The following DMD variants were observed in gnomAD, a reference collection of about 807,000 sequenced individuals.
DMD encodes mutant dystrophin.
In DMD, 63 loss-of-function variants were observed where a neutral mutation model predicts 330.1. That is an observed-to-expected ratio of 0.19 (90% confidence interval 0.16 to 0.24). The LOEUF is 0.24. Among genes scored for constraint, DMD ranks in the 10% least tolerant of loss-of-function variants. The pLI, the probability that DMD is intolerant of heterozygous loss-of-function variation, is 1.00. For missense variants in DMD, 3,344 were observed against 2,684.1 expected (o/e 1.25, Z -5.43); for synonymous variants, 1,223 against 959.8 (o/e 1.27, Z -5.07).
At chrX:31,246,759 C>A (rs749849243) in intron 63 of DMD, among the ~76,000 whole-genome samples, 2 of 110,910 alleles carry the variant, frequency 1.8e-5, no homozygotes, top group Non-Finnish European at 3.8e-5. Context: ...AACCCCGTCT[C>A]CACTAAAAAT....
chrX:31,907,916 A>C (rs1050072914), intron 47 of DMD, among the ~76,000 whole-genome samples: 5 of 112,820 alleles, frequency 4.4e-5, no homozygotes, highest in African/African-American at 1.6e-4. Flanking sequence ...ATAGGAACAG[A>C]CACTTCTCAA....
At chrX:31,490,685 C>T (rs2069217428) in intron 57 of DMD, among the ~76,000 whole-genome samples, 1 of 112,561 alleles carries the variant, frequency 8.9e-6, no homozygotes, top group African/African-American at 3.2e-5. Flanking sequence ...TGACTTAAAT[C>T]TTAACATTCA....
chrX:32,811,785 G>C (rs2077387452), intron 6 of DMD, among the ~76,000 whole-genome samples: 1 of 112,218 alleles, frequency 8.9e-6, no homozygotes, highest in South Asian at 3.7e-4. Flanking sequence ...TGTAAAATCT[G>C]AAGCGGTCAA....
At chrX:32,709,647 C>T (rs1390812366) in intron 7 of DMD, among the ~76,000 whole-genome samples, 1 of 110,892 alleles carries the variant, frequency 9.0e-6, no homozygotes, top group Non-Finnish European at 1.9e-5. Context: ...TGCTCTTTTA[C>T]CTAAAATAAT....
intron 7 of DMD, among the ~76,000 whole-genome samples, chrX:32,768,656 T>G (rs1481917389): frequency 8.9e-6 from 1 of 111,957 alleles, no homozygotes; most frequent in East Asian, 2.8e-4. Context: ...GAAATTATAA[T>G]CCCACTGGGA....
Position 32,944,607 on chromosome X carries a change from ATTTTTTT to A in DMD, c.93+75525_93+75531del, listed in dbSNP as rs3083092. On this transcript the variant is annotated intron_variant, in intron 2 of 78. Coordinates refer to ENST00000357033, the MANE Select transcript of DMD (RefSeq NM_004006.3). ...ATCTGTTTGTATAGACTTTTAGTAG[ATTTTTTT>A]TTTTTTTTTATACAGAGTCTTGCTC... 8.3e-5 allele frequency among the ~76,000 whole-genome samples: 8 copies of A among 96,567 alleles called. 1 individual carries two copies. Among genetic ancestry groups the A allele is most frequent in the African/African-American group, 3.1e-4 (8 of 26,142 alleles). The allele number at this position is 96,567 out of a possible 115,157, so 83.9% of individuals were successfully genotyped here.
intron 47 of DMD, among the ~76,000 whole-genome samples, chrX:31,878,850 A>AT (rs1469328641): frequency 8.9e-6 from 1 of 112,363 alleles, no homozygotes; most frequent in Non-Finnish European, 1.9e-5. Context: ...CAGGTACACT[A>AT]TGCTGCCAAG....
At chrX:31,422,974 C>G (rs1179101131) in intron 60 of DMD, among the ~76,000 whole-genome samples, 1 of 111,367 alleles carries the variant, frequency 9.0e-6, no homozygotes, top group Non-Finnish European at 1.9e-5. Flanking sequence ...GACACATGTA[C>G]TAACACAGGC....
chrX:31,621,440 T>C (rs1464477453), intron 55 of DMD, among the ~76,000 whole-genome samples: 1 of 111,750 alleles, frequency 8.9e-6, no homozygotes, highest in Non-Finnish European at 1.9e-5. Context: ...AAAACATGTC[T>C]GATTAGTCCA....
At chrX:32,658,251 G>C (rs973773504) in intron 9 of DMD, among the ~76,000 whole-genome samples, 1 of 111,218 alleles carries the variant, frequency 9.0e-6, no homozygotes, top group East Asian at 2.8e-4. Context: ...GTTAGCACAA[G>C]AGATGTCCCC....
intron 43 of DMD, among the ~76,000 whole-genome samples, chrX:32,278,055 A>C (rs12394814): frequency 0.25 from 28,029 of 110,452 alleles, 2,688 homozygotes; most frequent in Middle Eastern, 0.33. Flanking sequence ...CAAAATTGAC[A>C]AATCTTGAGC....
chrX:32,773,023 C>G (rs1007154617), intron 7 of DMD, among the ~76,000 whole-genome samples: 4 of 111,760 alleles, frequency 3.6e-5, no homozygotes, highest in Non-Finnish European at 7.5e-5. Context: ...GTGTAAAACT[C>G]TTAAGTATCC....
At chrX:32,562,332 C>A (rs377738057) in intron 16 of DMD, among the ~76,000 whole-genome samples, 4 of 112,706 alleles carry the variant, frequency 3.5e-5, no homozygotes, top group African/African-American at 1.3e-4. Flanking sequence ...AGAGAGCAGT[C>A]CTCCTAGCTG....
intron 12 of DMD, among the ~76,000 whole-genome samples, chrX:32,599,745 A>T (rs932720089): frequency 2.7e-5 from 3 of 111,726 alleles, no homozygotes; most frequent in African/African-American, 9.7e-5. Context: ...ATATATACAC[A>T]CATACTAGGT....
intron 30 of DMD, among the ~76,000 whole-genome samples, chrX:32,392,393 C>T (rs1046752797): frequency 4.5e-5 from 5 of 111,204 alleles, no homozygotes; most frequent in Admixed American, 2.9e-4. Flanking sequence ...CAAGTAGCTG[C>T]GATTACAGGT....
At chrX:32,807,227 AGAG>A (rs767498153) in intron 7 of DMD, among the ~76,000 whole-genome samples, 17 of 108,894 alleles carry the variant, frequency 1.6e-4, no homozygotes, top group Admixed American at 1.5e-3. Flanking sequence ...AAAGAAAAAT[AGAG>A]AAGAATCAAA....
chrX:32,920,859 G>A lies in DMD; in HGVS notation c.94-71039C>T, dbSNP rs761658853. 9.8e-5 allele frequency among the ~76,000 whole-genome samples: 11 copies of A among 112,220 alleles called. No individual in the cohort carries two copies. The East Asian group carries it at 3.1e-3, about 31-fold the overall frequency. On this transcript the variant is annotated intron_variant, in intron 2 of 78. Coordinates refer to ENST00000357033, the MANE Select transcript of DMD (RefSeq NM_004006.3). ...AATAAACAAGATGTTCAGATAGAAAGTACCTAAAATAGAGAGTCCAGGGAA... is the reference window on the plus strand; with the variant it reads ...AATAAACAAGATGTTCAGATAGAAAATACCTAAAATAGAGAGTCCAGGGAA...
chrX:31,680,722 G>T (rs2082335746), intron 52 of DMD, among the ~76,000 whole-genome samples: 1 of 111,151 alleles, frequency 9.0e-6, no homozygotes, highest in South Asian at 3.8e-4. Context: ...GGTGCATTTT[G>T]TAAGACTGGC....
intron 7 of DMD, among the ~76,000 whole-genome samples, chrX:32,727,333 T>C (rs968027206): frequency 4.5e-5 from 5 of 111,203 alleles, no homozygotes; most frequent in Admixed American, 1.9e-4. Context: ...AAGAACTATA[T>C]AGAGATGAAT....
Sources: allele counts gnomAD v4.1 joint callset (sites outside exome capture counted in the v4.1 genomes callset), GRCh38; gene constraint gnomAD v4.1.1; transcripts MANE v1.5; gene names NCBI Gene and HGNC (gene_info 2026-07-23, HGNC 2026-07-21).